PTPRN2: variants seen among roughly 807,000 people sequenced by gnomAD.
PTPRN2 encodes protein tyrosine phosphatase receptor type N2.
PTPRN2 carries 74 observed loss-of-function variants against 118.8 expected under a neutral mutation model. The ratio of observed to expected loss-of-function variants is 0.62; its 90% confidence interval spans 0.52 to 0.76. PTPRN2 has a LOEUF of 0.76. PTPRN2 is among the 30% of genes least tolerant of loss of function. The pLI, the probability that PTPRN2 is intolerant of heterozygous loss-of-function variation, is 0.00. For synonymous variants in PTPRN2, 641 were observed against 608.0 expected (o/e 1.05, Z -0.80); for missense variants, 1,481 against 1,394.4 (o/e 1.06, Z -0.99).
chr7:158,111,955 TG>T (rs1379925454), intron 9 of PTPRN2, among the ~76,000 whole-genome samples: 1 of 152,144 alleles, frequency 6.6e-6, no homozygotes, highest in Non-Finnish European at 1.5e-5. Flanking sequence ...AAGGAGGGTT[TG>T]GACTCAGAGA....
At chr7:158,096,243 T>C (rs999804279) in intron 10 of PTPRN2, among the ~76,000 whole-genome samples, 4 of 152,216 alleles carry the variant, frequency 2.6e-5, no homozygotes, top group African/African-American at 9.6e-5. Context: ...TGAAGAATTG[T>C]AAGAGTCTCA....
At chr7:158,086,832 GATC>G (rs143679841) in intron 10 of PTPRN2, among the ~76,000 whole-genome samples, 2,365 of 152,266 alleles carry the variant, frequency 0.016, 62 homozygotes, top group African/African-American at 0.054. Context: ...GAATGAACAG[GATC>G]ATCGACTGCC....
intron 11 of PTPRN2, among the ~76,000 whole-genome samples, chr7:157,961,324 G>A (rs1288401754): frequency 6.6e-6 from 1 of 151,882 alleles, no homozygotes; most frequent in Non-Finnish European, 1.5e-5. Context: ...TTGAGGCCAG[G>A]AGTTCGAGAC....
chr7:158,523,080 A>T (rs1824333499), intron 1 of PTPRN2, among the ~76,000 whole-genome samples: 1 of 152,124 alleles, frequency 6.6e-6, no homozygotes, highest in African/African-American at 2.4e-5. Flanking sequence ...AAAACTGGAA[A>T]ATGGGGTCTC....
chr7:157,988,646 G>A (rs1301938292), intron 11 of PTPRN2, among the ~76,000 whole-genome samples: 2 of 152,216 alleles, frequency 1.3e-5, no homozygotes, highest in African/African-American at 4.8e-5. Context: ...GGAGCACAGG[G>A]GGGCTGGAGG....
At chr7:157,937,235 C>T (rs1484579342) in intron 11 of PTPRN2, among the ~76,000 whole-genome samples, 1 of 152,184 alleles carries the variant, frequency 6.6e-6, no homozygotes, top group Non-Finnish European at 1.5e-5. Context: ...TTGCAGCTGG[C>T]ACACATAGGT....
chr7:158,270,783 A>G (rs758007639), intron 3 of PTPRN2, among the ~76,000 whole-genome samples: 6,098 of 50,826 alleles, frequency 0.12, 571 homozygotes, highest in Middle Eastern at 0.13. Context: ...CACCTGGACC[A>G]CCCCTCCACC....
chr7:157,819,962 C>T (rs2151137046), intron 12 of PTPRN2, among the ~76,000 whole-genome samples: 1 of 151,738 alleles, frequency 6.6e-6, no homozygotes, highest in Non-Finnish European at 1.5e-5. Flanking sequence ...CACAGCAGAC[C>T]CAAACACGTT....
chr7:157,602,830 C>T, intron 16 of PTPRN2, among the ~76,000 whole-genome samples: 1 of 152,244 alleles, frequency 6.6e-6, no homozygotes, highest in East Asian at 1.9e-4. Context: ...ATCCAAAGCT[C>T]CCTATGGACG....
chr7:157,993,891 G>A (rs532336160), intron 11 of PTPRN2, among the ~76,000 whole-genome samples: 32 of 152,118 alleles, frequency 2.1e-4, no homozygotes, highest in Non-Finnish European at 5.9e-5. Context: ...AAACCCAAGG[G>A]GGGTCAGTGG....
At chr7:157,931,512 C>A (rs898069878) in intron 11 of PTPRN2, among the ~76,000 whole-genome samples, 4 of 152,194 alleles carry the variant, frequency 2.6e-5, no homozygotes, top group Non-Finnish European at 4.4e-5. Flanking sequence ...AATGTGAGCT[C>A]AATTCTTAAT....
intron 3 of PTPRN2, among the ~76,000 whole-genome samples, chr7:158,244,785 TTG>T (rs1275552356): frequency 2.0e-5 from 3 of 151,180 alleles, no homozygotes; most frequent in African/African-American, 4.9e-5. Flanking sequence ...TGTGTGTGAG[TTG>T]TGTGAGTGTG....
intron 13 of PTPRN2, among the ~76,000 whole-genome samples, chr7:157,670,292 C>T (rs577310358): frequency 6.6e-6 from 1 of 152,156 alleles, no homozygotes; most frequent in African/African-American, 2.4e-5. Flanking sequence ...GACCGACGTG[C>T]TGAAACCCGA....
chr7:158,527,307 G>C (rs60960992), intron 1 of PTPRN2, among the ~76,000 whole-genome samples: 1,494 of 145,954 alleles, frequency 0.01, 29 homozygotes, highest in African/African-American at 0.036. Flanking sequence ...CATGCCCCCC[G>C]CCACCGGAGC....
chr7:158,048,142 C>CAT (rs1809019648), intron 11 of PTPRN2, among the ~76,000 whole-genome samples: 1 of 152,014 alleles, frequency 6.6e-6, no homozygotes. Flanking sequence ...TACACACACA[C>CAT]ACACACACAC....
rs1816691918 is a variant in PTPRN2, at chr7:158,438,018, GC to G, written c.163+51716del. On this transcript the variant is annotated intron_variant, in intron 2 of 22. Transcript: ENST00000389418. The surrounding 1 kb of genome is among the most constrained non-coding windows in gnomAD (Gnocchi z 4.7). ...GCCTCTTTCGACAGGAATCACAAAT[GC>G]CCCCAGGAGACAGGCAGCCCGCAGG... Among the ~76,000 whole-genome samples, 1 of 152,150 alleles carries G rather than the reference GC, an allele frequency of 6.6e-6. No individual in the cohort carries two copies. The highest frequency in any genetic ancestry group is 1.5e-5 in the Non-Finnish European group (1 of 68,018).
intron 5 of PTPRN2, among the ~76,000 whole-genome samples, chr7:158,188,276 AT>A (rs1563576853): frequency 1.3e-4 from 7 of 55,808 alleles, no homozygotes; most frequent in African/African-American, 4.9e-4. Context: ...CGCCCCCTGT[AT>A]GGGGAAGGCC....
At chr7:157,942,296 C>T (rs1378314149) in intron 11 of PTPRN2, among the ~76,000 whole-genome samples, 1 of 152,222 alleles carries the variant, frequency 6.6e-6, no homozygotes, top group Admixed American at 6.5e-5. Context: ...GGCCCCTGGC[C>T]GCTCCCAGCT....
At chr7:158,250,631 C>G (rs4305848) in intron 3 of PTPRN2, among the ~76,000 whole-genome samples, 122,113 of 152,162 alleles carry the variant, frequency 0.8, 49,394 homozygotes, top group African/African-American at 0.89. Flanking sequence ...TTTTATAAGA[C>G]AGGTATATTT....
Sources: gnomAD v4.1 joint callset for allele counts (sites outside exome capture counted in the v4.1 genomes callset) on GRCh38, gnomAD v4.1.1 for gene constraint, Gnocchi (gnomAD v3.1) non-coding constraint, MANE v1.5 for transcripts, NCBI Gene and HGNC (gene_info 2026-07-23, HGNC 2026-07-21) for gene names.